Variants in NLGN1 observed in about 807,000 individuals in gnomAD.
NLGN1 encodes neuroligin-1.
Under a neutral mutation model 65.5 loss-of-function variants are expected in NLGN1, and 12 were observed. That is an observed-to-expected ratio of 0.18 (90% CI 0.12 to 0.30). NLGN1 has a LOEUF of 0.30. Among genes scored for constraint, NLGN1 ranks in the 10% least tolerant of loss-of-function variants. The probability of loss-of-function intolerance (pLI) is 1.00; values close to 1 mark genes in which losing one functional copy is unlikely to be tolerated. For missense variants in NLGN1, 750 were observed against 1,007.1 expected (o/e 0.74, Z 3.46); for synonymous variants, 350 against 359.5 (o/e 0.97, Z 0.30).
intron 3 of NLGN1, among the ~76,000 whole-genome samples, chr3:173,624,403 T>A (rs1577597436): frequency 6.6e-6 from 1 of 152,258 alleles, no homozygotes; most frequent in Middle Eastern, 3.4e-3. Flanking sequence ...TTTCATTTGT[T>A]GCAACAGTTT....
chr3:173,711,185 G>A (rs559872324), intron 3 of NLGN1, among the ~76,000 whole-genome samples: 1 of 152,126 alleles, frequency 6.6e-6, no homozygotes, highest in Non-Finnish European at 1.5e-5. Flanking sequence ...ACATAGTTTT[G>A]TTAACCTCAT....
chr3:173,467,875 ACT>A (rs1724638979), intron 2 of NLGN1, among the ~76,000 whole-genome samples: 1 of 150,978 alleles, frequency 6.6e-6, no homozygotes, highest in Admixed American at 6.6e-5. Flanking sequence ...TTGCTTCAAA[ACT>A]CACTTCTGTT....
chr3:174,007,333 T>C (rs291931), intron 4 of NLGN1, among the ~76,000 whole-genome samples: 145,669 of 152,286 alleles, frequency 0.96, 69,749 homozygotes, highest in East Asian at 1. Context: ...AATTCATACA[T>C]ACTTCTTCTG....
chr3:173,852,610 A>C (rs1727196380), intron 4 of NLGN1, among the ~76,000 whole-genome samples: 1 of 152,112 alleles, frequency 6.6e-6, no homozygotes, highest in South Asian at 2.1e-4. Flanking sequence ...AATTGTTAGT[A>C]ATACGTTTAT....
At chr3:173,876,175 A>G (rs1478695255) in intron 4 of NLGN1, among the ~76,000 whole-genome samples, 2 of 152,136 alleles carry the variant, frequency 1.3e-5, no homozygotes, top group Non-Finnish European at 2.9e-5. Context: ...CAAGATGTAT[A>G]ATTTTTGAAC....
At chr3:173,863,730 T>TTGCTC (rs1159570413) in intron 4 of NLGN1, among the ~76,000 whole-genome samples, 1 of 152,216 alleles carries the variant, frequency 6.6e-6, no homozygotes, top group East Asian at 1.9e-4. Context: ...AGTTTCTCCC[T>TTGCTC]TGCTCTGATG....
At chr3:173,745,815 T>C (rs907839045) in intron 3 of NLGN1, among the ~76,000 whole-genome samples, 2 of 152,068 alleles carry the variant, frequency 1.3e-5, no homozygotes, top group African/African-American at 4.8e-5. Context: ...GTCTTTATTT[T>C]GACAAAGGAT....
At chr3:173,602,795 A>G (rs56231812) in intron 2 of NLGN1, among the ~76,000 whole-genome samples, 3,041 of 152,110 alleles carry the variant, frequency 0.02, 106 homozygotes, top group African/African-American at 0.069. Context: ...GTGGCCCACT[A>G]TGATGCTGCA....
At chr3:173,929,348 A>G (rs565229348) in intron 4 of NLGN1, among the ~76,000 whole-genome samples, 2 of 152,132 alleles carry the variant, frequency 1.3e-5, no homozygotes, top group African/African-American at 4.8e-5. Flanking sequence ...TTTATTTTGC[A>G]TTCTTGCATC....
chr3:174,240,246 A>G (rs1742534238), intron 4 of NLGN1, among the ~76,000 whole-genome samples: 1 of 152,174 alleles, frequency 6.6e-6, no homozygotes, highest in South Asian at 2.1e-4. Context: ...TTCTCTTGTA[A>G]TATAGAAGAA....
intron 3 of NLGN1, among the ~76,000 whole-genome samples, chr3:173,699,278 C>G (rs1186828044): frequency 6.6e-6 from 1 of 152,122 alleles, no homozygotes; most frequent in Non-Finnish European, 1.5e-5. Flanking sequence ...TAAAAGAACA[C>G]AAACTAAATG....
intron 2 of NLGN1, among the ~76,000 whole-genome samples, chr3:173,545,331 C>T (rs1055838998): frequency 3.3e-5 from 5 of 152,092 alleles, no homozygotes; most frequent in African/African-American, 1.2e-4. Flanking sequence ...ACCTAGACCT[C>T]CCAAAGTGCT....
intron 4 of NLGN1, among the ~76,000 whole-genome samples, chr3:173,974,075 T>G (rs975360608): frequency 3.2e-4 from 48 of 151,970 alleles, no homozygotes; most frequent in African/African-American, 1.1e-3. Flanking sequence ...CAACTTGAAA[T>G]CTACAACGTA....
chr3:173,446,869 G>T (rs534404975), intron 2 of NLGN1, among the ~76,000 whole-genome samples: 1 of 152,254 alleles, frequency 6.6e-6, no homozygotes, highest in East Asian at 1.9e-4. Flanking sequence ...CTTCTTTTGC[G>T]AAGTGTCTGT....
chr3:173,973,230 T>C lies in NLGN1; in HGVS notation c.646+165398T>C, dbSNP rs530871814. On this transcript the variant is annotated intron_variant, in intron 4 of 6. Transcript: ENST00000457714. Reference sequence around the variant, plus strand: ...ATTGTGGGAAAATGGAATAAATTTCTAAGTATACATATAAGAAAATTGTAG... The same window carrying C: ...ATTGTGGGAAAATGGAATAAATTTCCAAGTATACATATAAGAAAATTGTAG... Among the ~76,000 whole-genome samples, 10 of 152,264 alleles carry C rather than the reference T, an allele frequency of 6.6e-5. No individual in the cohort carries two copies. In the South Asian group the frequency reaches 1.7e-3, roughly 25 times the overall value.
chr3:173,649,106 T>G (rs1304774496), intron 3 of NLGN1, among the ~76,000 whole-genome samples: 1 of 152,156 alleles, frequency 6.6e-6, no homozygotes, highest in Non-Finnish European at 1.5e-5. Context: ...ATTAAAATAA[T>G]TATGCTGAAT....
intron 4 of NLGN1, chr3:174,180,990 T>G (rs537439527): frequency 6.6e-6 from 1 of 152,272 alleles, no homozygotes; most frequent in Non-Finnish European, 1.5e-5. Flanking sequence ...AAATCAGATG[T>G]AAATTTGATT....
intron 2 of NLGN1, among the ~76,000 whole-genome samples, chr3:173,486,363 A>T (rs768297806): frequency 7.2e-5 from 11 of 152,080 alleles, no homozygotes; most frequent in Non-Finnish European, 1.3e-4. Context: ...CACCCAGCCT[A>T]GTTATGCTTC....
intron 4 of NLGN1, among the ~76,000 whole-genome samples, chr3:173,909,264 G>A (rs908355887): frequency 6.6e-6 from 1 of 152,094 alleles, no homozygotes; most frequent in African/African-American, 2.4e-5. Flanking sequence ...GCACCTAGAA[G>A]AGAAAAGCAA....
Sources: gnomAD v4.1 joint callset for allele counts (sites outside exome capture counted in the v4.1 genomes callset) on GRCh38, gnomAD v4.1.1 for gene constraint, MANE v1.5 for transcripts, NCBI Gene and HGNC (gene_info 2026-07-23, HGNC 2026-07-21) for gene names.